The following FERMT2 variants were observed in gnomAD, a reference collection of about 807,000 sequenced individuals.
The protein encoded by FERMT2 is fermitin family homolog 2.
Under a neutral mutation model 82.7 loss-of-function variants are expected in FERMT2, and 15 were observed. The ratio of observed to expected loss-of-function variants is 0.18; its 90% confidence interval spans 0.12 to 0.28. FERMT2 has a LOEUF of 0.28. Among genes scored for constraint, FERMT2 ranks in the 10% least tolerant of loss-of-function variants. The pLI is 1.00. For missense variants in FERMT2, 645 were observed against 809.4 expected (o/e 0.80, Z 2.46); for synonymous variants, 274 against 271.5 (o/e 1.01, Z -0.09).
At chr14:52,933,037 C>T (rs903302336) in intron 2 of FERMT2, among the ~76,000 whole-genome samples, 1 of 152,058 alleles carries the variant, frequency 6.6e-6, no homozygotes, top group African/African-American at 2.4e-5. Flanking sequence ...AAAAAAAACA[C>T]TGGCGATGAA....
At chr14:52,916,198 G>T (rs1204569313) in intron 3 of FERMT2, among the ~76,000 whole-genome samples, 1 of 152,004 alleles carries the variant, frequency 6.6e-6, no homozygotes, top group African/African-American at 2.4e-5. Flanking sequence ...ACAAAAATTA[G>T]CCCGGTTTGG....
chr14:52,862,538 C>T (rs112567514), intron 12 of FERMT2: 1,677 of 152,664 alleles, frequency 0.011, 21 homozygotes, highest in African/African-American at 0.036. Context: ...AGTGGCAGTG[C>T]GTGCCTGTGG....
intron 9 of FERMT2, among the ~76,000 whole-genome samples, chr14:52,873,906 CTA>C (rs141680631): frequency 0.01 from 1,542 of 151,584 alleles, 27 homozygotes; most frequent in African/African-American, 0.035. Context: ...CACTGTATTA[CTA>C]TGTTTCAGCA....
intron 2 of FERMT2, among the ~76,000 whole-genome samples, chr14:52,921,529 A>G (rs1888955941): frequency 6.6e-6 from 1 of 152,208 alleles, no homozygotes; most frequent in South Asian, 2.1e-4. Context: ...GAAAATTCTG[A>G]TCTACCTTAT....
At chr14:52,918,599 A>G (rs1888761975) in intron 3 of FERMT2, among the ~76,000 whole-genome samples, 1 of 152,208 alleles carries the variant, frequency 6.6e-6, no homozygotes, top group African/African-American at 2.4e-5. Flanking sequence ...AGATGGTTGA[A>G]TACTTCCTGT....
intron 2 of FERMT2, among the ~76,000 whole-genome samples, chr14:52,933,738 G>T (rs7145423): frequency 2.9e-5 from 3 of 103,626 alleles, no homozygotes; most frequent in African/African-American, 8.6e-5. Flanking sequence ...AAAAAAAAAA[G>T]GGAAAAGAAA....
chr14:52,868,042 C>T (rs368350310), intron 10 of FERMT2, among the ~76,000 whole-genome samples: 9 of 152,136 alleles, frequency 5.9e-5, no homozygotes, highest in African/African-American at 1.2e-4. Context: ...TTCAGTGACA[C>T]GTCACTGCTG....
At chr14:52,907,191 T>G (rs2139599633) in intron 3 of FERMT2, among the ~76,000 whole-genome samples, 1 of 152,240 alleles carries the variant, frequency 6.6e-6, no homozygotes, top group Non-Finnish European at 1.5e-5. Context: ...TTTTTGGTAT[T>G]TTTTGGAGAT....
chr14:52,875,470 A>G (rs1566723580), intron 7 of FERMT2, 113 bp from the exon 8 acceptor site: 1 of 721,062 alleles, frequency 1.4e-6, no homozygotes, highest in African/African-American at 1.8e-5. Context: ...GAAAAGACAG[A>G]AGCGTCTAGG....
At chr14:52,904,354 T>C (rs1887857984) in intron 3 of FERMT2, among the ~76,000 whole-genome samples, 1 of 152,164 alleles carries the variant, frequency 6.6e-6, no homozygotes. Flanking sequence ...ACGCCTCCAC[T>C]AAAAATTAAA....
At chr14:52,925,132 C>T (rs1889180569) in intron 2 of FERMT2, among the ~76,000 whole-genome samples, 1 of 152,186 alleles carries the variant, frequency 6.6e-6, no homozygotes, top group South Asian at 2.1e-4. Context: ...ATCACAAGAA[C>T]ATACCTATTC....
In FERMT2 at chr14:52,943,914, A is replaced by G. The variant is rs375323039; in HGVS notation, c.157+6498T>C. Among the ~76,000 whole-genome samples the G allele has an allele frequency of 1.9e-4, 29 of 152,318 alleles. No individual in the cohort carries two copies. The East Asian group carries it at 3.9e-3, about 20-fold the overall frequency. ...TTAGACATTTCCAACAAGGCCTTTT[A>G]TAAGTAATTGAATAAACATATTTTT... On this transcript the variant is annotated intron_variant, in intron 2 of 14. Coordinates refer to ENST00000341590, the MANE Select transcript of FERMT2 (RefSeq NM_006832.3).
intron 3 of FERMT2, among the ~76,000 whole-genome samples, chr14:52,898,051 C>A (rs534252283): frequency 6.7e-6 from 1 of 149,626 alleles, no homozygotes; most frequent in East Asian, 2.0e-4. Context: ...ACTAGGTTTT[C>A]ATTTTGTTCT....
chr14:52,880,303 G>C (rs112909356), intron 6 of FERMT2, among the ~76,000 whole-genome samples: 2,802 of 152,312 alleles, frequency 0.018, 76 homozygotes, highest in African/African-American at 0.063. Context: ...CACGTAATTA[G>C]TAATCTAAAA....
intron 10 of FERMT2, among the ~76,000 whole-genome samples, chr14:52,869,809 T>C (rs1338066773): frequency 6.6e-6 from 1 of 152,134 alleles, no homozygotes; most frequent in Non-Finnish European, 1.5e-5. Flanking sequence ...CCAGAGGAAA[T>C]GACAGCTCCA....
chr14:52,897,994 A>AC (rs1555369659), intron 3 of FERMT2, among the ~76,000 whole-genome samples: 5 of 147,472 alleles, frequency 3.4e-5, no homozygotes, highest in Admixed American at 2.0e-4. Flanking sequence ...AAAAAAAAAA[A>AC]CAACCAAAAA....
At position 52,864,418 on chromosome 14, in the gene FERMT2, T is replaced by G. The variant is rs758666219; in HGVS notation, c.1585A>C (p.Lys529Gln). ...ECLVSPRYLKKYKNKQITARI... is the reference protein window; with the variant it reads ...ECLVSPRYLKQYKNKQITARI... ...GTAAGTACCTGCTTGTTCTTATACT[T>G]TTTTAGATAGCGGGGAGACACCAAA... Residue 529 changes from lysine to glutamine, a missense_variant, in exon 12 of 15, where the codon AAG becomes CAG. By Grantham distance (53) the Lys-to-Gln change is moderately conservative. Transcript: ENST00000341590. 3.7e-6 allele frequency: 6 copies of G among 1,613,204 alleles called. No homozygotes were observed. Among genetic ancestry groups the G allele is most frequent in the Non-Finnish European group, 4.2e-6 (5 of 1,179,096 alleles).
At chr14:52,876,706 T>G (rs1885974062) in intron 7 of FERMT2, among the ~76,000 whole-genome samples, 1 of 152,204 alleles carries the variant, frequency 6.6e-6, no homozygotes, top group African/African-American at 2.4e-5. Context: ...TCTGCTTCTT[T>G]TTACTATTGT....
chr14:52,881,575 A>G, intron 4 of FERMT2, 106 bp from the exon 5 acceptor site: 1 of 961,936 alleles, frequency 1.0e-6, no homozygotes, highest in Non-Finnish European at 1.6e-6. Context: ...CAAAAGTTTT[A>G]TTCTGAAAGG....
Sources: gnomAD v4.1 joint callset for allele counts (sites outside exome capture counted in the v4.1 genomes callset) on GRCh38, gnomAD v4.1.1 for gene constraint, MANE v1.5 for transcripts, NCBI Gene and HGNC (gene_info 2026-07-23, HGNC 2026-07-21) for gene names.